Variants in TXLNB observed in about 807,000 individuals in gnomAD.
TXLNB encodes the protein taxilin beta.
TXLNB carries 37 observed loss-of-function variants against 57.4 expected under a neutral mutation model. The ratio of observed to expected loss-of-function variants is 0.64; its 90% CI spans 0.50 to 0.85. The LOEUF (loss-of-function observed/expected upper bound fraction) is 0.85, where lower values mean the gene tolerates loss of function less well. TXLNB is among the 40% of genes least tolerant of loss of function. The probability of loss-of-function intolerance (pLI) is 0.00; values close to 1 mark genes in which losing one functional copy is unlikely to be tolerated. For missense variants in TXLNB, 848 were observed against 825.6 expected (o/e 1.03, Z -0.33); for synonymous variants, 302 against 309.6 (o/e 0.98, Z 0.26).
At chr6:139,259,215 TC>T (rs1285016360) in intron 6 of TXLNB, among the ~76,000 whole-genome samples, 3 of 152,214 alleles carry the variant, frequency 2.0e-5, no homozygotes, top group African/African-American at 7.2e-5. Context: ...CTATTTTCCA[TC>T]CAGGAGCCAA....
At chr6:139,212,669 A>C in the TXLNB span, among the ~76,000 whole-genome samples, 1 of 152,204 alleles carries the variant, frequency 6.6e-6, no homozygotes, top group Non-Finnish European at 1.5e-5. Flanking sequence ...CTCCAATTAA[A>C]AGGCACAGAC....
At chr6:139,287,471 T>C (rs954719538) in intron 2 of TXLNB, among the ~76,000 whole-genome samples, 3 of 152,218 alleles carry the variant, frequency 2.0e-5, no homozygotes, top group African/African-American at 4.8e-5. Flanking sequence ...CTGACTCCAA[T>C]GCTCATGATC....
the TXLNB span, among the ~76,000 whole-genome samples, chr6:139,208,025 G>A: frequency 0.26 from 40,047 of 151,748 alleles, 5,495 homozygotes; most frequent in African/African-American, 0.34. Flanking sequence ...GCAGTAAGCC[G>A]AGATCGCACC....
At chr6:139,233,046 A>G in the TXLNB span, among the ~76,000 whole-genome samples, 1 of 152,110 alleles carries the variant, frequency 6.6e-6, no homozygotes, top group Admixed American at 6.6e-5. Context: ...ATAATATAAT[A>G]TGCTTCCATG....
At position 139,270,628 on chromosome 6, in the gene TXLNB, T is replaced by C. The variant is rs768439408; in HGVS notation, c.517-2A>G. 4 of 1,613,740 alleles carry C rather than the reference T, an allele frequency of 2.5e-6. No homozygotes were observed. The highest frequency in any genetic ancestry group is 3.4e-6 in the Non-Finnish European group (4 of 1,179,764). On this transcript the variant is annotated splice_acceptor_variant, in intron 3 of 9. Coordinates refer to ENST00000358430, the MANE Select transcript of TXLNB (RefSeq NM_153235.4). LOFTEE classifies it high-confidence loss of function. The stretch of plus-strand genomic sequence containing the variant: ...TTGCTCAGTACGATGTTCATCCAGC[T>C]GTACACATGGAGATACAAACATGAA...
intron 6 of TXLNB, among the ~76,000 whole-genome samples, chr6:139,256,904 T>A (rs1776358523): frequency 6.6e-6 from 1 of 151,800 alleles, no homozygotes; most frequent in Non-Finnish European, 1.5e-5. Context: ...GTGGATTACA[T>A]TTTGAGAAGT....
At chr6:139,236,855 C>T (rs562065837), downstream of TXLNB, among the ~76,000 whole-genome samples, 1 of 152,186 alleles carries the variant, frequency 6.6e-6, no homozygotes, top group East Asian at 1.9e-4. Flanking sequence ...CCTCCTGATC[C>T]ACCCACCTTG....
the TXLNB span, among the ~76,000 whole-genome samples, chr6:139,184,000 T>C: frequency 1.4e-4 from 21 of 152,324 alleles, no homozygotes; most frequent in Admixed American, 7.2e-4. Context: ...GACCGTCTGC[T>C]AATACTGCAC....
chr6:139,294,320 T>A (rs1007708379), upstream of TXLNB, among the ~76,000 whole-genome samples: 7 of 152,184 alleles, frequency 4.6e-5, no homozygotes, highest in African/African-American at 1.7e-4. Flanking sequence ...AACACTTGAT[T>A]CATTCAAATT....
chr6:139,215,286 C>A, the TXLNB span, among the ~76,000 whole-genome samples: 1 of 152,056 alleles, frequency 6.6e-6, no homozygotes, highest in East Asian at 1.9e-4. Flanking sequence ...AGATACAGAC[C>A]AATGGAACAG....
the TXLNB span, chr6:139,178,310 G>A: frequency 6.6e-6 from 1 of 152,130 alleles, no homozygotes; most frequent in Non-Finnish European, 1.5e-5. Flanking sequence ...CTTTGGTTCA[G>A]TAGATTTTAA....
chr6:139,260,286 C>T, intron 6 of TXLNB, 32 bp downstream of exon 6: 1 of 1,610,984 alleles, frequency 6.2e-7, no homozygotes, highest in Non-Finnish European at 8.5e-7. Context: ...TGAGGTAGAC[C>T]AGATATGCAC....
At chr6:139,268,081 C>T (rs934812958) in intron 4 of TXLNB, among the ~76,000 whole-genome samples, 9 of 140,834 alleles carry the variant, frequency 6.4e-5, no homozygotes, top group African/African-American at 1.9e-4. Flanking sequence ...ACCCGGGAGG[C>T]GGAGGTTGCA....
the TXLNB span, among the ~76,000 whole-genome samples, chr6:139,209,140 C>T: frequency 6.6e-6 from 1 of 152,128 alleles, no homozygotes; most frequent in Admixed American, 6.6e-5. Flanking sequence ...CTACTATACA[C>T]CAACAATGAC....
In TXLNB at chr6:139,279,099, T is replaced by C. The variant is rs17068475; in HGVS notation, c.425-2178A>G. On this transcript the variant is annotated intron_variant, in intron 2 of 9. Coordinates refer to ENST00000358430, the MANE Select transcript of TXLNB (RefSeq NM_153235.4). Reference sequence around the variant, plus strand: ...GACCAACTAGAGGAAAAACAGGTCTTACTCTCACCTGTGATGTTTTATGTA... The same window carrying C: ...GACCAACTAGAGGAAAAACAGGTCTCACTCTCACCTGTGATGTTTTATGTA... Among the ~76,000 whole-genome samples, 294 of 152,344 alleles carry C rather than the reference T, an allele frequency of 1.9e-3. 7 individuals carry two copies. The East Asian group carries it at 0.031, about 16-fold the overall frequency.
intron 6 of TXLNB, among the ~76,000 whole-genome samples, chr6:139,257,167 G>T (rs572858599): frequency 1.3e-5 from 2 of 152,248 alleles, no homozygotes; most frequent in Admixed American, 6.5e-5. Context: ...TCCACAGTGT[G>T]CCATGTAAGA....
the TXLNB span, among the ~76,000 whole-genome samples, chr6:139,184,060 G>A: frequency 4.5e-4 from 69 of 152,260 alleles, no homozygotes; most frequent in African/African-American, 1.6e-3. Context: ...TGGAGTCAGC[G>A]CTTCGTGAAA....
the TXLNB span, among the ~76,000 whole-genome samples, chr6:139,298,405 A>G: frequency 6.6e-6 from 1 of 152,224 alleles, no homozygotes; most frequent in Non-Finnish European, 1.5e-5. Flanking sequence ...TGCTGCATGC[A>G]TTCTACAGGG....
At chr6:139,211,440 TAACA>T in the TXLNB span, among the ~76,000 whole-genome samples, 6 of 151,012 alleles carry the variant, frequency 4.0e-5, no homozygotes, top group African/African-American at 1.5e-4. Flanking sequence ...GAAGGAAAAC[TAACA>T]AACAGAAAGG....
Sources: gnomAD v4.1 joint callset for allele counts (sites outside exome capture counted in the v4.1 genomes callset) on GRCh38, gnomAD v4.1.1 for gene constraint, MANE v1.5 for transcripts, NCBI Gene and HGNC (gene_info 2026-07-23, HGNC 2026-07-21) for gene names.